The following MCPH1 variants were observed in gnomAD, a reference collection of about 807,000 sequenced individuals.
The protein encoded by MCPH1 is microcephalin.
Under a neutral mutation model 84.5 loss-of-function variants are expected in MCPH1, and 104 were observed. That is an observed-to-expected ratio of 1.23 (90% CI 1.05 to 1.45). MCPH1 has a LOEUF of 1.45. Among genes scored for constraint, MCPH1 ranks in the 40% most tolerant of loss-of-function variants. MCPH1 has a pLI of 0.00. For missense variants in MCPH1, 1,498 were observed against 1,005.7 expected (o/e 1.49, Z -6.62); for synonymous variants, 514 against 366.8 (o/e 1.40, Z -4.58).
At chr8:6,491,063 A>C (rs1376397808) in intron 11 of MCPH1, among the ~76,000 whole-genome samples, 5 of 150,258 alleles carry the variant, frequency 3.3e-5, no homozygotes, top group Non-Finnish European at 1.5e-5. Flanking sequence ...TTTATCAAAA[A>C]AAATTTTTTT....
rs143238878 is a variant in MCPH1, at chr8:6,600,169, C to T, written c.2215-21285C>T. Among the ~76,000 whole-genome samples, 69 of 152,326 alleles carry T rather than the reference C, an allele frequency of 4.5e-4. 1 individual carries two copies. The highest frequency in any genetic ancestry group is 8.8e-4 in the Non-Finnish European group (60 of 68,030). ...CTTGTCCTTTTCCAAAGGATTAGGC[C>T]AGGACATTGCTGTCAAATCTGCAAA... is the stretch of plus-strand genomic sequence containing the variant. On this transcript the variant is annotated intron_variant, in intron 12 of 13. Coordinates refer to ENST00000344683, the MANE Select transcript of MCPH1 (RefSeq NM_024596.5).
chr8:6,552,618 G>A (rs73664545), intron 12 of MCPH1, among the ~76,000 whole-genome samples: 4,880 of 152,098 alleles, frequency 0.032, 179 homozygotes, highest in African/African-American at 0.086. Flanking sequence ...TATAATTACC[G>A]TTCCTGCAAT....
At chr8:6,470,717 A>T (rs950847540) in intron 9 of MCPH1, among the ~76,000 whole-genome samples, 2 of 152,266 alleles carry the variant, frequency 1.3e-5, no homozygotes, top group Admixed American at 6.5e-5. Context: ...CCTCCAAACG[A>T]TGCCCTGCCA....
chr8:6,499,082 A>G (rs1255196057), intron 11 of MCPH1, among the ~76,000 whole-genome samples: 1 of 128,360 alleles, frequency 7.8e-6, no homozygotes, highest in Non-Finnish European at 1.7e-5. Flanking sequence ...AAATAAATAA[A>G]TAAATAAATA....
intron 4 of MCPH1, among the ~76,000 whole-genome samples, chr8:6,433,899 C>A (rs534082418): frequency 6.6e-6 from 1 of 152,038 alleles, no homozygotes; most frequent in Non-Finnish European, 1.5e-5. Context: ...TGCCTGCCTG[C>A]CCAGCTTGCT....
At chr8:6,497,570 A>G (rs944622674) in intron 11 of MCPH1, among the ~76,000 whole-genome samples, 11 of 152,180 alleles carry the variant, frequency 7.2e-5, no homozygotes, top group Non-Finnish European at 1.5e-4. Context: ...CCAGTACTCC[A>G]TCATAATATA....
intron 12 of MCPH1, among the ~76,000 whole-genome samples, chr8:6,611,908 G>A (rs532456852): frequency 3.3e-5 from 5 of 152,218 alleles, no homozygotes; most frequent in Non-Finnish European, 5.9e-5. Context: ...GTGAGCCACC[G>A]CGCCCGGCCT....
At chr8:6,503,656 C>A (rs978255583) in intron 12 of MCPH1, among the ~76,000 whole-genome samples, 5 of 152,210 alleles carry the variant, frequency 3.3e-5, no homozygotes, top group African/African-American at 1.2e-4. Flanking sequence ...GTGGGCTGGA[C>A]TCGCTCAGGC....
At position 6,414,865 on chromosome 8, in the gene MCPH1, C is replaced by A; in HGVS notation, c.215C>A (p.Ser72Ter). Residue 72 changes from serine to a stop codon, truncating the protein, a stop_gained, in exon 3 of 14, where the codon TCG (serine) becomes TAG (stop). Coordinates refer to ENST00000344683, the MANE Select transcript of MCPH1 (RefSeq NM_024596.5). LOFTEE classifies it high-confidence loss of function. ...CAGAAGAGAGGCGTAAAGCTCGTTT[C>A]GGTGCTCTGGGTGGAAAAGTAAGCA... is the stretch of plus-strand genomic sequence containing the variant. ...KAQKRGVKLV[S>*]VLWVEKCRTA... 6.2e-7 allele frequency: 1 copy of A among 1,613,420 alleles called. No homozygotes were observed. Among genetic ancestry groups the A allele is most frequent in the Non-Finnish European group, 8.5e-7 (1 of 1,179,846 alleles).
intron 13 of MCPH1, chr8:6,642,716 G>C (rs993767674): frequency 4.2e-5 from 21 of 498,234 alleles, no homozygotes; most frequent in African/African-American, 2.5e-4. Context: ...TGAGTGTCCT[G>C]ACACAACGGG....
intron 12 of MCPH1, among the ~76,000 whole-genome samples, chr8:6,561,089 G>T (rs1207703124): frequency 6.6e-6 from 1 of 152,194 alleles, no homozygotes; most frequent in Non-Finnish European, 1.5e-5. Flanking sequence ...AGATATTTAG[G>T]ATATAGTTTG....
intron 9 of MCPH1, among the ~76,000 whole-genome samples, chr8:6,466,672 C>T (rs1156638231): frequency 6.6e-6 from 1 of 151,802 alleles, no homozygotes; most frequent in African/African-American, 2.4e-5. Context: ...ATCTCCTGAC[C>T]TCGTGATTCT....
At chr8:6,630,030 A>G (rs1352790788) in intron 13 of MCPH1, among the ~76,000 whole-genome samples, 1 of 152,188 alleles carries the variant, frequency 6.6e-6, no homozygotes, top group African/African-American at 2.4e-5. Context: ...AGTTGGATGA[A>G]ATGATCTCAT....
chr8:6,559,522 C>A (rs76364735), intron 12 of MCPH1, among the ~76,000 whole-genome samples: 1 of 151,730 alleles, frequency 6.6e-6, no homozygotes, highest in Non-Finnish European at 1.5e-5. Flanking sequence ...AAACAAAAAA[C>A]GATGGCAGAG....
chr8:6,578,805 G>T (rs1389345437), intron 12 of MCPH1, among the ~76,000 whole-genome samples: 1 of 152,206 alleles, frequency 6.6e-6, no homozygotes, highest in Non-Finnish European at 1.5e-5. Flanking sequence ...GTATGGCTCA[G>T]ACTCGCACGT....
At chr8:6,413,740 G>A (rs2120479) in intron 2 of MCPH1, among the ~76,000 whole-genome samples, 146,299 of 150,364 alleles carry the variant, frequency 0.97, 71,298 homozygotes, top group East Asian at 1. Context: ...ATCATGTTGC[G>A]TGAATACAGT....
chr8:6,592,597 G>A (rs1828555846), intron 12 of MCPH1, among the ~76,000 whole-genome samples: 1 of 146,708 alleles, frequency 6.8e-6, no homozygotes, highest in South Asian at 2.2e-4. Context: ...AAGTCATCTA[G>A]GCTCTCGTTT....
chr8:6,497,939 G>A (rs2122279), intron 11 of MCPH1, among the ~76,000 whole-genome samples: 116,581 of 152,084 alleles, frequency 0.77, 45,160 homozygotes, highest in African/African-American at 0.88. Flanking sequence ...TGCCTTACAA[G>A]TTTGTTCAAA....
intron 12 of MCPH1, among the ~76,000 whole-genome samples, chr8:6,551,056 G>C (rs954952758): frequency 1.2e-4 from 18 of 152,200 alleles, no homozygotes; most frequent in African/African-American, 4.3e-4. Flanking sequence ...GTTTTGAGAA[G>C]GGGTAAGTGT....
Sources: gnomAD v4.1 joint callset for allele counts (sites outside exome capture counted in the v4.1 genomes callset) on GRCh38, gnomAD v4.1.1 for gene constraint, MANE v1.5 for transcripts, NCBI Gene and HGNC (gene_info 2026-07-23, HGNC 2026-07-21) for gene names.